Variants in LCN12 observed in about 807,000 individuals in gnomAD.
The protein encoded by LCN12 is lipocalin 12.
A neutral mutation model predicts 23.7 loss-of-function variants in LCN12; 15 were observed. The ratio of observed to expected loss-of-function variants is 0.63; its 90% confidence interval spans 0.42 to 0.97. The LOEUF is 0.97. Ranked by LOEUF, LCN12 falls within the 50% of genes least tolerant of loss-of-function variation. The pLI, the probability that LCN12 is intolerant of heterozygous loss-of-function variation, is 0.00. For synonymous variants in LCN12, 116 were observed against 111.5 expected (o/e 1.04, Z -0.25); for missense variants, 219 against 249.6 (o/e 0.88, Z 0.83).
intron 1 of LCN12, 75 bp downstream of exon 1, chr9:136,952,516 C>G (rs1245565433): frequency 1.9e-6 from 2 of 1,050,374 alleles, no homozygotes; most frequent in Admixed American, 2.1e-5. Context: ...CTGAGCAGGC[C>G]TGGGGATGCT....
chr9:136,949,695 A>C (rs1851102875), upstream of LCN12: 1 of 152,370 alleles, frequency 6.6e-6, no homozygotes, highest in Admixed American at 6.5e-5. Flanking sequence ...TGCTGTGGGG[A>C]GGCCGAGATG....
chr9:136,955,018 C>T, intron 5 of LCN12: 1 of 1,372,296 alleles, frequency 7.3e-7, no homozygotes, highest in Non-Finnish European at 9.5e-7. Flanking sequence ...CACATGCTGT[C>T]TACCCGTGCA....
At chr9:136,955,079 A>G (rs1326831488) in intron 5 of LCN12, 3 of 1,405,328 alleles carry the variant, frequency 2.1e-6, no homozygotes, top group Non-Finnish European at 2.8e-6. Flanking sequence ...CACACTCGCT[A>G]TGCCAGGCCT....
chr9:136,949,221 A>T (rs1490280633), upstream of LCN12, among the ~76,000 whole-genome samples: 4 of 152,162 alleles, frequency 2.6e-5, no homozygotes, highest in Non-Finnish European at 5.9e-5. Flanking sequence ...ACATAGTGAG[A>T]CCTCATCTCT....
chr9:136,954,474 C>A, intron 5 of LCN12: 1 of 660,200 alleles, frequency 1.5e-6, no homozygotes, highest in Non-Finnish European at 2.7e-6. Flanking sequence ...CTCCTCCCAC[C>A]CCGGGTCTCC....
chr9:136,953,994 G>A (rs1851246600), intron 4 of LCN12, 30 bp downstream of exon 4: 2 of 1,600,228 alleles, frequency 1.2e-6, no homozygotes, highest in Non-Finnish European at 8.5e-7. Flanking sequence ...CTGGGCCCGT[G>A]TGTGGCCCTG....
chr9:136,955,842 C>T (rs952846478), downstream of LCN12, among the ~76,000 whole-genome samples: 4 of 152,180 alleles, frequency 2.6e-5, no homozygotes, highest in African/African-American at 9.7e-5. Flanking sequence ...CTGGAGCTTG[C>T]CCCGGAAACA....
chr9:136,955,221 C>T (rs1437924859), intron 5 of LCN12, 150 bp from the exon 6 acceptor site: 1 of 1,444,022 alleles, frequency 6.9e-7, no homozygotes, highest in Non-Finnish European at 9.1e-7. Context: ...ACCCCAGCCC[C>T]TTCCCCTAGA....
chr9:136,952,775 C>T (rs1238485818), intron 1 of LCN12, 117 bp from the exon 2 acceptor site: 2 of 1,265,932 alleles, frequency 1.6e-6, no homozygotes, highest in Admixed American at 2.2e-5. Context: ...CCGGCCCAGC[C>T]AGGAGCACTG....
At position 136,954,147 on chromosome 9, in the gene LCN12, G is replaced by C; in HGVS notation, c.449-7G>C. The C allele has an allele frequency of 1.3e-6, 2 of 1,545,880 alleles. No individual in the cohort carries two copies. The highest frequency in any genetic ancestry group is 1.7e-6 in the Non-Finnish European group (2 of 1,143,830). The stretch of plus-strand genomic sequence containing the variant: ...CACAGACCCATGCTGGGCTCCCTGG[G>C]CTGCAGGCAGGAGCTGGTTGCTGCC... On this transcript the variant is annotated splice_polypyrimidine_tract_variant and splice_region_variant and intron_variant, in intron 4 of 5. Transcript: ENST00000371633.
chr9:136,954,796 C>G (rs1219191807), intron 5 of LCN12: 2 of 1,289,632 alleles, frequency 1.6e-6, no homozygotes, highest in South Asian at 2.5e-5. Context: ...CCGCGGCCCC[C>G]AAGGCCTGAC....
intron 5 of LCN12, 177 bp downstream of exon 5, chr9:136,954,432 C>A: frequency 1.3e-6 from 1 of 796,818 alleles, no homozygotes. Flanking sequence ...TGAGCCACCT[C>A]CTGCCGCCCC....
chr9:136,950,152 C>T (rs918796357), upstream of LCN12, among the ~76,000 whole-genome samples: 2 of 152,186 alleles, frequency 1.3e-5, no homozygotes, highest in Non-Finnish European at 2.9e-5. Flanking sequence ...ACGTGCCCAC[C>T]CTCCACCAAT....
chr9:136,953,854 G>A lies in LCN12; in HGVS notation c.338G>A (p.Gly113Glu), dbSNP rs1366337710. Residue 113 changes from glycine to glutamate, a missense_variant, in exon 4 of 6, where the codon GGG (glycine) becomes GAG (glutamate). Physicochemically the swap from Gly to Glu is moderately conservative, Grantham distance 98. Coordinates refer to ENST00000371633, the MANE Select transcript of LCN12 (RefSeq NM_178536.4). ...GACGTCTGTGCCGCCTCAGAGCCCG[G>A]GGCGGACAGAGAGGAGACCCGGGTG... Reference protein sequence around the residue: ...QFTVDHGVEPGADREETRVVD... With the variant: ...QFTVDHGVEPEADREETRVVD... 1.9e-6 allele frequency: 3 copies of A among 1,600,496 alleles called. No individual in the cohort carries two copies. In the South Asian group the frequency reaches 3.4e-5, roughly 18 times the overall value.
chr9:136,952,190 T>C (rs1480081596), upstream of LCN12: 1 of 684,974 alleles, frequency 1.5e-6, no homozygotes, highest in Non-Finnish European at 2.6e-6. Context: ...CTCCTGCCAG[T>C]CCTGAGGAGG....
At chr9:136,950,033 C>T (rs912602263), upstream of LCN12, among the ~76,000 whole-genome samples, 2 of 152,218 alleles carry the variant, frequency 1.3e-5, no homozygotes, top group African/African-American at 4.8e-5. Flanking sequence ...AGGACTCCCC[C>T]GGGAGCCCCG....
chr9:136,951,716 G>A (rs549957648), upstream of LCN12, among the ~76,000 whole-genome samples: 192 of 152,318 alleles, frequency 1.3e-3, no homozygotes, highest in Non-Finnish European at 2.3e-3. Context: ...CTCCCTCCTC[G>A]CCTGCTCGGG....
chr9:136,951,769 T>C (rs1431470696), upstream of LCN12, among the ~76,000 whole-genome samples: 1 of 152,068 alleles, frequency 6.6e-6, no homozygotes, highest in East Asian at 1.9e-4. Context: ...CCCTCCCTGG[T>C]CCTGTTCTTG....
intron 2 of LCN12, 80 bp downstream of exon 2, chr9:136,953,108 CCATGGGCCCT>C: frequency 6.4e-7 from 1 of 1,566,634 alleles, no homozygotes; most frequent in Non-Finnish European, 8.7e-7. Flanking sequence ...CTCAGGTGCG[CCATGGGCCCT>C]GTCCCAGCAC....
Sources: allele counts gnomAD v4.1 joint callset (sites outside exome capture counted in the v4.1 genomes callset), GRCh38; gene constraint gnomAD v4.1.1; transcripts MANE v1.5; gene names NCBI Gene and HGNC (gene_info 2026-07-23, HGNC 2026-07-21).